ANO4: variants seen among roughly 807,000 people sequenced by gnomAD.
The protein encoded by ANO4 is anoctamin 4, also known as anoctamin-4.
ANO4 carries 69 observed loss-of-function variants against 141.9 expected under a neutral mutation model. The ratio of observed to expected loss-of-function variants is 0.49; its 90% CI spans 0.40 to 0.59. The LOEUF is 0.59. ANO4 is among the 20% of genes least tolerant of loss of function. The pLI, the probability that ANO4 is intolerant of heterozygous loss-of-function variation, is 0.00. For missense variants in ANO4, 894 were observed against 1,162.2 expected (o/e 0.77, Z 3.36); for synonymous variants, 350 against 394.3 (o/e 0.89, Z 1.33).
At chr12:101,066,979 C>A in intron 14 of ANO4, 3 of 537,938 alleles carry the variant, frequency 5.6e-6, no homozygotes, top group East Asian at 6.3e-5. Flanking sequence ...TTCATGTACC[C>A]TAGAACTTAA....
At chr12:101,086,903 G>C in intron 17 of ANO4, 79 bp downstream of exon 17, 1 of 1,518,514 alleles carries the variant, frequency 6.6e-7, no homozygotes. Flanking sequence ...TTGCTAAGGG[G>C]ATCTGGCCTC....
intron 1 of ANO4, among the ~76,000 whole-genome samples, chr12:100,820,923 C>T (rs78992571): frequency 0.047 from 7,187 of 152,100 alleles, 229 homozygotes; most frequent in Middle Eastern, 0.078. Flanking sequence ...GCACTGTGCT[C>T]AGCTGGGCAT....
chr12:101,008,512 A>G (rs2045957138), intron 8 of ANO4, among the ~76,000 whole-genome samples: 1 of 152,194 alleles, frequency 6.6e-6, no homozygotes, highest in Non-Finnish European at 1.5e-5. Context: ...ACGTAGTTAT[A>G]TTACAATTTA....
At chr12:100,778,497 A>T (rs916283441) in intron 3 of ANO4, among the ~76,000 whole-genome samples, 2 of 152,196 alleles carry the variant, frequency 1.3e-5, no homozygotes, top group African/African-American at 4.8e-5. Context: ...CTAGTCAGAT[A>T]AAGTCCAGCA....
chr12:101,108,180 G>C (rs569211570), intron 22 of ANO4, among the ~76,000 whole-genome samples: 1 of 152,212 alleles, frequency 6.6e-6, no homozygotes, highest in Admixed American at 6.5e-5. Context: ...GAAGTCATAG[G>C]AGTAGATGGA....
chr12:101,014,147 A>G, intron 8 of ANO4, among the ~76,000 whole-genome samples: 1 of 152,134 alleles, frequency 6.6e-6, no homozygotes, highest in East Asian at 1.9e-4. Context: ...CTCAATACAT[A>G]TTGCTTTGCA....
chr12:101,122,530 G>C (rs2051138982), intron 26 of ANO4, among the ~76,000 whole-genome samples: 1 of 152,146 alleles, frequency 6.6e-6, no homozygotes. Context: ...TTACATGTAA[G>C]TCTTTAATTC....
chr12:101,099,253 G>GTAC (rs1422408295), intron 21 of ANO4, among the ~76,000 whole-genome samples: 2 of 152,166 alleles, frequency 1.3e-5, no homozygotes, highest in African/African-American at 4.8e-5. Context: ...TATTCCTCAA[G>GTAC]ATATCTTGGT....
chr12:100,747,643 G>T (rs546249159), intron 3 of ANO4, among the ~76,000 whole-genome samples: 4 of 152,342 alleles, frequency 2.6e-5, no homozygotes, highest in African/African-American at 9.6e-5. Flanking sequence ...GGGAGGCCAA[G>T]GTGGGTGGAT....
intron 1 of ANO4, among the ~76,000 whole-genome samples, chr12:100,846,254 T>A (rs1483862976): frequency 6.6e-6 from 1 of 152,228 alleles, no homozygotes; most frequent in Non-Finnish European, 1.5e-5. Flanking sequence ...AATCATACTT[T>A]CCTCTCTTGT....
At chr12:100,732,721 A>T (rs891635182) in intron 1 of ANO4, among the ~76,000 whole-genome samples, 1 of 152,270 alleles carries the variant, frequency 6.6e-6, no homozygotes, top group East Asian at 1.9e-4. Flanking sequence ...AATACTCCTG[A>T]TCTAGATTTG....
intron 3 of ANO4, among the ~76,000 whole-genome samples, chr12:100,763,754 C>A (rs377353424): frequency 1.3e-4 from 20 of 152,316 alleles, no homozygotes; most frequent in African/African-American, 4.8e-4. Context: ...CCACTTATAA[C>A]CCCATTTCTC....
At chr12:100,873,845 C>T (rs1180877658) in intron 1 of ANO4, among the ~76,000 whole-genome samples, 3 of 152,216 alleles carry the variant, frequency 2.0e-5, no homozygotes, top group Admixed American at 6.5e-5. Flanking sequence ...AAAGGCATTT[C>T]AGAGCAGCTC....
chr12:100,789,314 T>C (rs1249235807), intron 3 of ANO4, among the ~76,000 whole-genome samples: 1 of 152,146 alleles, frequency 6.6e-6, no homozygotes, highest in African/African-American at 2.4e-5. Context: ...TCATCCTAAC[T>C]GCAGACCAGC....
At chr12:100,803,591 A>G (rs2034822608) in intron 1 of ANO4, among the ~76,000 whole-genome samples, 1 of 152,200 alleles carries the variant, frequency 6.6e-6, no homozygotes, top group Non-Finnish European at 1.5e-5. Flanking sequence ...TTCTAAAATA[A>G]TTAGGATTTA....
chr12:101,035,860 G>A (rs996048391), intron 9 of ANO4, among the ~76,000 whole-genome samples: 1 of 152,176 alleles, frequency 6.6e-6, no homozygotes, highest in African/African-American at 2.4e-5. Context: ...TGAGGGTGGA[G>A]GGTGAGAGGA....
At chr12:100,730,829 A>G (rs1280558507) in intron 1 of ANO4, among the ~76,000 whole-genome samples, 1 of 152,220 alleles carries the variant, frequency 6.6e-6, no homozygotes, top group Non-Finnish European at 1.5e-5. Flanking sequence ...CCATATTAAA[A>G]ATAGTTTTAA....
chr12:101,017,314 G>A (rs1253079290), intron 8 of ANO4, among the ~76,000 whole-genome samples: 2 of 152,092 alleles, frequency 1.3e-5, no homozygotes, highest in African/African-American at 2.4e-5. Context: ...CACAAGAACA[G>A]CACTGGAAAA....
intron 3 of ANO4, among the ~76,000 whole-genome samples, chr12:100,780,037 T>G (rs1375113278): frequency 1.3e-5 from 2 of 152,194 alleles, no homozygotes; most frequent in African/African-American, 4.8e-5. Flanking sequence ...CAATTTGTTT[T>G]TTTTAAGACA....
Sources: gnomAD v4.1 joint callset for allele counts (sites outside exome capture counted in the v4.1 genomes callset) on GRCh38, gnomAD v4.1.1 for gene constraint, MANE v1.5 for transcripts, NCBI Gene and HGNC (gene_info 2026-07-23, HGNC 2026-07-21) for gene names.